The following CTNNA3 variants were observed in gnomAD, a reference collection of about 807,000 sequenced individuals.
CTNNA3 encodes the protein catenin alpha 3.
In CTNNA3, 76 loss-of-function variants were observed where a neutral mutation model predicts 95.7. The observed-to-expected ratio is 0.79, with a 90% confidence interval of 0.66 to 0.96. The LOEUF (loss-of-function observed/expected upper bound fraction) is 0.96. Ranked by LOEUF, CTNNA3 falls within the 40% of genes least tolerant of loss-of-function variation. CTNNA3 has a pLI of 0.00. For missense variants in CTNNA3, 1,191 were observed against 1,089.8 expected, an observed-to-expected ratio of 1.09 and a Z score of -1.31; for synonymous variants, 431 against 374.4, an observed-to-expected ratio of 1.15 and a Z score of -1.74.
At position 66,529,439 on chromosome 10, in the gene CTNNA3, G is replaced by GT. The variant is rs201667838; in HGVS notation, c.1375-8667dup. Among the ~76,000 whole-genome samples, 350 of 50,618 alleles carry GT rather than the reference G, an allele frequency of 6.9e-3. 3 individuals carry two copies. The highest frequency in any genetic ancestry group is 0.011 in the Non-Finnish European group (241 of 21,710). The allele number at this position is 50,618 out of a possible 152,430, so 33.2% of individuals were successfully genotyped here. A position where few individuals can be genotyped will look rare whatever the true frequency, so the allele number is the denominator to read the frequency against. The stretch of plus-strand genomic sequence containing the variant: ...GAGCCACCGAGCCCAGCCAAACAGT[G>GT]TTTTTTTTTTGTTTTTTTTTTTTAA... On this transcript the variant is annotated intron_variant, in intron 10 of 17. Coordinates refer to ENST00000433211, the MANE Select transcript of CTNNA3 (RefSeq NM_013266.4).
intron 13 of CTNNA3, among the ~76,000 whole-genome samples, chr10:66,115,586 T>C (rs61858400): frequency 3.4e-5 from 4 of 118,036 alleles, no homozygotes; most frequent in Admixed American, 1.0e-4. Flanking sequence ...AGATGATAGA[T>C]AGATAGAGAT....
intron 7 of CTNNA3, among the ~76,000 whole-genome samples, chr10:67,168,049 A>T (rs1861859047): frequency 6.6e-6 from 1 of 152,158 alleles, no homozygotes; most frequent in Admixed American, 6.6e-5. Flanking sequence ...AGGCAGGAGA[A>T]TTGCTTGAAC....
intron 9 of CTNNA3, among the ~76,000 whole-genome samples, chr10:66,716,190 T>C (rs141448423): frequency 6.6e-6 from 1 of 152,112 alleles, no homozygotes; most frequent in Admixed American, 6.6e-5. Context: ...AATATACTTA[T>C]CGTGTACAAA....
At chr10:67,291,868 T>C (rs1839850236) in intron 5 of CTNNA3, among the ~76,000 whole-genome samples, 1 of 152,150 alleles carries the variant, frequency 6.6e-6, no homozygotes, top group Non-Finnish European at 1.5e-5. Context: ...GGCAAATTAA[T>C]TACAGAAACG....
At chr10:65,921,162 G>A (rs1040272924) in intron 17 of CTNNA3, among the ~76,000 whole-genome samples, 8 of 152,092 alleles carry the variant, frequency 5.3e-5, no homozygotes, top group Admixed American at 1.3e-4. Flanking sequence ...AAATGTTTAC[G>A]GATAAAGGAC....
At chr10:67,309,004 C>T (rs1293798280) in intron 5 of CTNNA3, among the ~76,000 whole-genome samples, 1 of 152,134 alleles carries the variant, frequency 6.6e-6, no homozygotes, top group Non-Finnish European at 1.5e-5. Context: ...GAAAGGTGCT[C>T]ATATAATTGT....
At chr10:67,676,689 A>G (rs1840540812) in intron 1 of CTNNA3, among the ~76,000 whole-genome samples, 1 of 152,160 alleles carries the variant, frequency 6.6e-6, no homozygotes. Context: ...CTGACTCCCC[A>G]TAGTTCAGTG....
intron 5 of CTNNA3, among the ~76,000 whole-genome samples, chr10:67,246,782 G>C (rs746333248): frequency 2.0e-5 from 3 of 152,070 alleles, no homozygotes; most frequent in Non-Finnish European, 2.9e-5. Flanking sequence ...ATTAAATAGG[G>C]AAAAATTCCT....
chr10:67,180,407 A>T lies in CTNNA3; in HGVS notation c.957T>A (p.Cys319Ter), dbSNP rs1862472784. The T allele has an allele frequency of 1.9e-6, 3 of 1,613,784 alleles. No individual in the cohort carries two copies. The highest frequency in any genetic ancestry group is 1.3e-5 in the African/African-American group (1 of 74,900). ...TCCGCTCTCGGTGTAAGTCCCTCGTACATGAAGAATCCGCCAGCAGAGCAG... is the reference window on the plus strand; with the variant it reads ...TCCGCTCTCGGTGTAAGTCCCTCGTTCATGAAGAATCCGCCAGCAGAGCAG... ...SGAALLADSS[C>*]TRDLHRERII... Residue 319 changes from cysteine (C) to a stop codon, truncating the protein, a stop_gained, in exon 7 of 18, where the codon TGT (cysteine) becomes TGA (stop). Coordinates refer to ENST00000433211, the MANE Select transcript of CTNNA3 (RefSeq NM_013266.4). LOFTEE classifies it high-confidence loss of function.
intron 10 of CTNNA3, among the ~76,000 whole-genome samples, chr10:66,531,243 AT>A (rs1841455551): frequency 6.6e-6 from 1 of 152,132 alleles, no homozygotes; most frequent in South Asian, 2.1e-4. Context: ...GAGGACTCCC[AT>A]TTTAATCCAG....
At chr10:66,410,452 C>A (rs1268847662) in intron 11 of CTNNA3, among the ~76,000 whole-genome samples, 1 of 152,152 alleles carries the variant, frequency 6.6e-6, no homozygotes, top group African/African-American at 2.4e-5. Context: ...GTATGCTAGT[C>A]CCACCCTGAT....
chr10:67,690,954 C>T (rs61869470), intron 1 of CTNNA3, among the ~76,000 whole-genome samples: 4 of 152,310 alleles, frequency 2.6e-5, no homozygotes, highest in South Asian at 2.1e-4. Context: ...CGAAGCTGGA[C>T]GGTACTGCTG....
chr10:66,390,741 C>T (rs531430800), intron 11 of CTNNA3, among the ~76,000 whole-genome samples: 5 of 152,072 alleles, frequency 3.3e-5, no homozygotes, highest in African/African-American at 4.8e-5. Context: ...TATCTATGTA[C>T]TTACAGAATT....
chr10:65,945,063 GGCAC>G (rs2077494815), intron 17 of CTNNA3, among the ~76,000 whole-genome samples: 1 of 151,922 alleles, frequency 6.6e-6, no homozygotes, highest in African/African-American at 2.4e-5. Flanking sequence ...TGAAAAACCA[GGCAC>G]AAATTTACCT....
intron 1 of CTNNA3, among the ~76,000 whole-genome samples, chr10:67,742,267 CA>C (rs1192635398): frequency 2.0e-5 from 3 of 151,374 alleles, no homozygotes; most frequent in East Asian, 3.9e-4. Context: ...CACTCCTCAG[CA>C]AATGTAAAAG....
At chr10:67,566,016 AAC>A (rs1392331374) in intron 3 of CTNNA3, among the ~76,000 whole-genome samples, 28 of 57,188 alleles carry the variant, frequency 4.9e-4, no homozygotes, top group South Asian at 7.9e-4. Context: ...TACACACACA[AAC>A]ACACACACAC....
At chr10:66,153,907 T>C (rs1014470399) in intron 13 of CTNNA3, among the ~76,000 whole-genome samples, 3 of 150,988 alleles carry the variant, frequency 2.0e-5, no homozygotes, top group Non-Finnish European at 3.0e-5. Context: ...TTATACATAA[T>C]AAGTTTTTTT....
intron 10 of CTNNA3, among the ~76,000 whole-genome samples, chr10:66,568,885 G>T (rs1842787681): frequency 6.6e-6 from 1 of 151,934 alleles, no homozygotes. Context: ...GTCTGCCAGG[G>T]CTGGCAGCAG....
intron 8 of CTNNA3, among the ~76,000 whole-genome samples, chr10:66,770,824 T>A (rs1314665171): frequency 7.6e-6 from 1 of 132,324 alleles, no homozygotes; most frequent in Non-Finnish European, 1.6e-5. Context: ...ATATTTTATG[T>A]TAAAATATTG....
Sources: allele counts gnomAD v4.1 joint callset (sites outside exome capture counted in the v4.1 genomes callset), GRCh38; gene constraint gnomAD v4.1.1; transcripts MANE v1.5; gene names NCBI Gene and HGNC (gene_info 2026-07-23, HGNC 2026-07-21).